BMPR1B: variants seen among roughly 807,000 people sequenced by gnomAD.
BMPR1B encodes bone morphogenetic protein receptor type-1B.
In BMPR1B, 12 loss-of-function variants were observed where a neutral mutation model predicts 59.1. The ratio of observed to expected loss-of-function variants is 0.20; its 90% CI spans 0.13 to 0.33. The LOEUF (loss-of-function observed/expected upper bound fraction) is 0.33. BMPR1B is among the 10% of genes least tolerant of loss of function. BMPR1B has a pLI of 1.00. For missense variants in BMPR1B, 550 were observed against 610.9 expected (o/e 0.90, Z 1.05); for synonymous variants, 237 against 207.3 (o/e 1.14, Z -1.23).
chr4:94,902,243 CACACACAGAGAGAGAGAGAGAG>C (rs1254621031), intron 2 of BMPR1B, among the ~76,000 whole-genome samples: 1 of 97,334 alleles, frequency 1.0e-5, no homozygotes, highest in Non-Finnish European at 2.1e-5. Context: ...CACACACACA[CACACACAGAGAGAGAGAGAGAG>C]AGAGAGAGAG....
At chr4:94,931,825 C>T (rs1350735650) in intron 2 of BMPR1B, among the ~76,000 whole-genome samples, 3 of 152,002 alleles carry the variant, frequency 2.0e-5, no homozygotes, top group African/African-American at 7.3e-5. Flanking sequence ...TCCATCAGAG[C>T]CGTTCAGTCA....
chr4:94,909,843 CCA>C (rs751045733), intron 2 of BMPR1B, among the ~76,000 whole-genome samples: 2 of 152,020 alleles, frequency 1.3e-5, no homozygotes, highest in Admixed American at 6.6e-5. Flanking sequence ...TATTGTGTCT[CCA>C]GGTGGCTGTG....
chr4:95,130,002 C>A lies in BMPR1B; in HGVS notation c.726C>A (p.Phe242Leu), dbSNP rs376819253. Residue 242 changes from phenylalanine (F) to leucine (L), a missense_variant, in exon 9 of 13, where the codon TTC (phenylalanine) becomes TTA (leucine). Phe to Leu is a conservative substitution (Grantham distance 22). Around this residue, in one of 6 missense-constraint regions of BMPR1B, gnomAD observed 318 missense variants for 284.6 expected, o/e 1.12. Transcript: ENST00000515059. ...VFFTTEEASW[F>L]RETEIYQTVL... ...TCACCACAGAGGAAGCCAGCTGGTT[C>A]AGAGAGACAGAAATATATCAGACAG... The A allele has an allele frequency of 1.9e-6, 3 of 1,613,780 alleles. No homozygotes were observed. Among genetic ancestry groups the A allele is most frequent in the Non-Finnish European group, 2.5e-6 (3 of 1,179,928 alleles).
chr4:94,884,770 A>G (rs533989397), intron 2 of BMPR1B, among the ~76,000 whole-genome samples: 10 of 152,328 alleles, frequency 6.6e-5, no homozygotes, highest in African/African-American at 2.4e-4. Flanking sequence ...CCATGTATCT[A>G]ACACTCTTTG....
chr4:95,041,702 C>G (rs1161719222), intron 3 of BMPR1B, among the ~76,000 whole-genome samples: 2 of 151,230 alleles, frequency 1.3e-5, no homozygotes, highest in African/African-American at 4.9e-5. Context: ...CCAATGAATT[C>G]TTAACCAGTT....
intron 3 of BMPR1B, among the ~76,000 whole-genome samples, chr4:95,021,796 T>A (rs772597071): frequency 1.3e-5 from 2 of 152,238 alleles, no homozygotes; most frequent in African/African-American, 2.4e-5. Context: ...CTATTAATGC[T>A]GCTTGGAGAT....
At chr4:95,138,677 CCTTT>C (rs1451896199) in intron 10 of BMPR1B, among the ~76,000 whole-genome samples, 2 of 152,130 alleles carry the variant, frequency 1.3e-5, no homozygotes, top group Non-Finnish European at 1.5e-5. Context: ...TCACTGATAC[CCTTT>C]CTTTCACTTG....
rs1010492005 is a variant in BMPR1B, at chr4:95,079,381, A to G, written c.-17-25027A>G. Among the ~76,000 whole-genome samples, 28 of 152,316 alleles carry G rather than the reference A, an allele frequency of 1.8e-4. No homozygotes were observed. In the East Asian group the frequency reaches 2.3e-3, roughly 13 times the overall value. ...TCTAGATGCTGAGGATGTAGCAGTT[A>G]GCCAAAGGGATATAACTCTTGCTCT... On this transcript the variant is annotated intron_variant, in intron 3 of 12. Transcript: ENST00000515059.
intron 3 of BMPR1B, among the ~76,000 whole-genome samples, chr4:95,103,068 A>G (rs1364160295): frequency 6.6e-6 from 1 of 152,080 alleles, no homozygotes; most frequent in Non-Finnish European, 1.5e-5. Flanking sequence ...AGTTAGATGC[A>G]CATCTTTTAT....
intron 7 of BMPR1B, among the ~76,000 whole-genome samples, chr4:95,124,471 A>C (rs959462365): frequency 6.6e-6 from 1 of 152,074 alleles, no homozygotes; most frequent in African/African-American, 2.4e-5. Context: ...GCAAATGGTC[A>C]GATTAATTGA....
At chr4:95,133,529 A>C (rs1317572222) in intron 10 of BMPR1B, among the ~76,000 whole-genome samples, 1 of 152,144 alleles carries the variant, frequency 6.6e-6, no homozygotes, top group Non-Finnish European at 1.5e-5. Context: ...CTGTATCTAG[A>C]TCACAACTAC....
At chr4:94,894,502 A>G (rs1727516070) in intron 2 of BMPR1B, among the ~76,000 whole-genome samples, 1 of 151,972 alleles carries the variant, frequency 6.6e-6, no homozygotes, top group Non-Finnish European at 1.5e-5. Flanking sequence ...AGGAGTTTCC[A>G]TATAGTCTCA....
chr4:94,944,905 G>A (rs899061255), intron 2 of BMPR1B, among the ~76,000 whole-genome samples: 4 of 152,118 alleles, frequency 2.6e-5, no homozygotes, highest in Non-Finnish European at 5.9e-5. Flanking sequence ...ACTTCTTTAA[G>A]AATATGAACA....
Position 95,155,430 on chromosome 4 carries a change from G to T in BMPR1B, c.*757G>T, listed in dbSNP as rs887366993. The stretch of plus-strand genomic sequence containing the variant: ...CCACTTCTGTTTCTGATTGAGTTAG[G>T]CATCTCTTTCATGGTAAAACCCTTT... On this transcript the variant is annotated 3_prime_UTR_variant, in exon 13 of 13. Coordinates refer to ENST00000515059, the MANE Select transcript of BMPR1B (RefSeq NM_001203.3). 2 of 141,608 alleles carry T rather than the reference G, an allele frequency of 1.4e-5. No individual in the cohort carries two copies. Among genetic ancestry groups the T allele is most frequent in the Non-Finnish European group, 3.0e-5 (2 of 66,426 alleles). The allele number at this position is 141,608 out of a possible 1,614,324, so 8.8% of individuals were successfully genotyped here. A position where few individuals can be genotyped will look rare whatever the true frequency, so the allele number is the denominator to read the frequency against.
At chr4:95,093,297 A>T (rs1349841458) in intron 3 of BMPR1B, among the ~76,000 whole-genome samples, 1 of 152,094 alleles carries the variant, frequency 6.6e-6, no homozygotes, top group African/African-American at 2.4e-5. Context: ...ATTTTGATTG[A>T]GTTTCTCTAA....
chr4:95,114,887 A>G lies in BMPR1B; in HGVS notation c.246+65A>G, dbSNP rs1579101679. The G allele has an allele frequency of 4.8e-6, 7 of 1,457,676 alleles. No individual in the cohort carries two copies. The East Asian group carries it at 1.6e-4, about 33-fold the overall frequency. 90.3% of individuals were successfully genotyped at this position (1,457,676 alleles called of 1,614,324 possible). Reference sequence around the variant, plus strand: ...AGATTTCCAACAAGTTTCAAGCAAGATAAAACCATTCTTTTTCTTGGCCAG... The same window carrying G: ...AGATTTCCAACAAGTTTCAAGCAAGGTAAAACCATTCTTTTTCTTGGCCAG... On this transcript the variant is annotated intron_variant, in intron 5 of 12. Coordinates refer to ENST00000515059, the MANE Select transcript of BMPR1B (RefSeq NM_001203.3).
At chr4:95,096,537 G>C (rs1366925987) in intron 3 of BMPR1B, among the ~76,000 whole-genome samples, 1 of 150,662 alleles carries the variant, frequency 6.6e-6, no homozygotes, top group Non-Finnish European at 1.5e-5. Context: ...TCGTGATTCA[G>C]TAACACACAA....
intron 3 of BMPR1B, among the ~76,000 whole-genome samples, chr4:95,040,578 A>T (rs1232557097): frequency 6.6e-6 from 1 of 152,208 alleles, no homozygotes; most frequent in Non-Finnish European, 1.5e-5. Flanking sequence ...TTGGTAAAGA[A>T]GAAAATGTCC....
chr4:95,034,093 A>C (rs1725063497), intron 3 of BMPR1B, among the ~76,000 whole-genome samples: 1 of 152,100 alleles, frequency 6.6e-6, no homozygotes, highest in Non-Finnish European at 1.5e-5. Flanking sequence ...TAGCTCATAG[A>C]CTCTCTGGAA....
Sources: allele counts gnomAD v4.1 joint callset (sites outside exome capture counted in the v4.1 genomes callset), GRCh38; gene constraint gnomAD v4.1.1; regional missense constraint gnomAD v4.1.1; transcripts MANE v1.5; gene names NCBI Gene and HGNC (gene_info 2026-07-23, HGNC 2026-07-21).